DNHD1: variants seen among roughly 807,000 people sequenced by gnomAD.
The protein encoded by DNHD1 is dynein heavy chain domain 1, also known as dynein heavy chain domain-containing protein 1.
In DNHD1, 383 loss-of-function variants were observed where a neutral mutation model predicts 458.1. The observed-to-expected ratio is 0.84, with a 90% CI of 0.77 to 0.91. The LOEUF is 0.91. Among genes scored for constraint, DNHD1 ranks in the 40% least tolerant of loss-of-function variants. DNHD1 has a pLI of 0.00. For synonymous variants in DNHD1, 2,203 were observed against 2,376.9 expected, an observed-to-expected ratio of 0.93 and a Z score of 2.13; for missense variants, 5,336 against 5,866.1, an observed-to-expected ratio of 0.91 and a Z score of 2.95.
At position 6,557,219 on chromosome 11, in the gene DNHD1, A is replaced by G; in HGVS notation, c.7924A>G (p.Asn2642Asp). 6.4e-7 allele frequency: 1 copy of G among 1,551,610 alleles called. No individual in the cohort carries two copies. Among genetic ancestry groups the G allele is most frequent in the Admixed American group, 2.0e-5 (1 of 51,010 alleles). Residue 2642 changes from asparagine to aspartate, a missense_variant, in exon 25 of 43, where the codon AAT (asparagine) becomes GAT (aspartate). Physicochemically the swap from Asn to Asp is conservative, Grantham distance 23. Transcript: ENST00000254579. Reference protein sequence around the residue: ...TCLTVMMATRNVVRLWLHEAQ... With the variant: ...TCLTVMMATRDVVRLWLHEAQ... ...TCTGACCGTTATGATGGCCACACGCAATGTGGTGCGTCTTTGGTTGCATGA... is the reference window on the plus strand; with the variant it reads ...TCTGACCGTTATGATGGCCACACGCGATGTGGTGCGTCTTTGGTTGCATGA...
rs1853526372 is a variant in DNHD1 at position 6,558,943 on chromosome 11, G to A, written c.9253G>A (p.Val3085Met). The A allele has an allele frequency of 3.2e-6, 5 of 1,551,652 alleles. No homozygotes were observed. Among genetic ancestry groups the A allele is most frequent in the Non-Finnish European group, 4.4e-6 (5 of 1,146,988 alleles). Residue 3085 changes from valine (V) to methionine (M), a missense_variant, in exon 27 of 43, where the codon GTG becomes ATG. By Grantham distance (21) the Val-to-Met change is conservative. Coordinates refer to ENST00000254579, the MANE Select transcript of DNHD1 (RefSeq NM_144666.3). ...YPDLQASIPS[V>M]AKAMALIHLS... ...AGACCTCCAGGCCTCAATTCCCAGT[G>A]TGGCCAAAGCCATGGCTCTTATCCA... is the stretch of plus-strand genomic sequence containing the variant.
chr11:6,539,241 A>G lies in DNHD1; in HGVS notation c.3348A>G (p.Gln1116=), dbSNP rs1435871300. 3.6e-5 allele frequency: 56 copies of G among 1,551,454 alleles called. No individual in the cohort carries two copies. The highest frequency in any genetic ancestry group is 4.8e-5 in the Non-Finnish European group (55 of 1,146,936). Residue 1116 remains glutamine, a synonymous_variant, in exon 17 of 43, where the codon CAA becomes CAG. Coordinates refer to ENST00000254579, the MANE Select transcript of DNHD1 (RefSeq NM_144666.3). The part of the protein sequence containing the change: ...LLRALGLGSL[Q]TIELLTLGQL... ...CAGCCCTTGGGCTGGGCAGTCTCCA[A>G]ACTATAGAACTCCTAACGCTGGGCC...
rs1241365373 is a variant in DNHD1 at position 6,497,669 on chromosome 11, T to G, written c.-446+2T>G. ...CGGTGTGTCAGTTTGCCTCTTCAGG[T>G]GATTGCACGTCTGTGTGCGAGTCTC... On this transcript the variant is annotated splice_donor_variant, in intron 2 of 42. Transcript: ENST00000254579. LOFTEE classifies it low-confidence loss of function (5UTR_SPLICE). The G allele has an allele frequency of 1.3e-5, 2 of 153,978 alleles. No homozygotes were observed. The highest frequency in any genetic ancestry group is 4.8e-5 in the African/African-American group (2 of 41,436). The allele number at this position is 153,978 out of a possible 1,614,324, so 9.5% of individuals were successfully genotyped here.
intron 19 of DNHD1, 130 bp downstream of exon 19, chr11:6,544,376 G>GT: frequency 1.7e-6 from 2 of 1,178,776 alleles, no homozygotes; most frequent in Non-Finnish European, 2.4e-6. Context: ...CTTCAGGGCT[G>GT]TTTCTTGGGA....
intron 39 of DNHD1, among the ~76,000 whole-genome samples, chr11:6,569,799 G>A (rs1056186023): frequency 1.3e-5 from 2 of 152,162 alleles, no homozygotes; most frequent in African/African-American, 4.8e-5. Context: ...TTAGATAATT[G>A]GGTGGCTGGC....
In DNHD1 at chr11:6,565,962, G is replaced by C; in HGVS notation, c.11024G>C (p.Gly3675Ala). The C allele has an allele frequency of 1.3e-6, 2 of 1,551,634 alleles. No individual in the cohort carries two copies. The highest frequency in any genetic ancestry group is 1.7e-6 in the Non-Finnish European group (2 of 1,146,978). ...CTTTCAGGTGCTGACCCAGAGCTGGGTTCTCAGCTCCAGGAGGCAGCTGCT... is the reference window on the plus strand; with the variant it reads ...CTTTCAGGTGCTGACCCAGAGCTGGCTTCTCAGCTCCAGGAGGCAGCTGCT... ...SVLSGADPEL[G>A]SQLQEAAACG... is the part of the protein sequence containing the mutation. Residue 3675 changes from glycine to alanine, a missense_variant, in exon 33 of 43, where the codon GGT (glycine) becomes GCT (alanine). Gly to Ala is a moderately conservative substitution (Grantham distance 60). This residue lies in a region of DNHD1 where 695 missense variants were observed against 804.2 expected (regional missense o/e 0.86). Transcript: ENST00000254579.
chr11:6,559,133 C>A (rs566891846), intron 27 of DNHD1, 27 bp downstream of exon 27: 3 of 1,551,626 alleles, frequency 1.9e-6, no homozygotes, highest in Admixed American at 2.0e-5. Context: ...CTGCAGTGTA[C>A]CTCCTTCTGC....
Position 6,533,045 on chromosome 11 carries a change from T to A in DNHD1, c.2366T>A (p.Ile789Lys), listed in dbSNP as rs1395436155. The A allele has an allele frequency of 6.4e-7, 1 of 1,551,666 alleles. No homozygotes were observed. The highest frequency in any genetic ancestry group is 8.7e-7 in the Non-Finnish European group (1 of 1,147,002). The change falls in exon 13 of 43, where the codon ATA becomes AAA. Residue 789 changes from isoleucine to lysine, a missense_variant. By Grantham distance (102) the Ile-to-Lys change is moderately radical. Around this residue, in one of 4 missense-constraint regions of DNHD1, gnomAD observed 3,932 missense variants for 4,365.6 expected, o/e 0.90. Transcript: ENST00000254579. Reference sequence around the variant, plus strand: ...TCTCCAGAATCCAAGCTGAACAGCATAAGGAAGGACATTCTTGCACACGTG... The same window carrying A: ...TCTCCAGAATCCAAGCTGAACAGCAAAAGGAAGGACATTCTTGCACACGTG... ...QAEMESKLNS[I>K]RKDILAHVQN...
intron 18 of DNHD1, among the ~76,000 whole-genome samples, chr11:6,541,767 T>A (rs1853101974): frequency 6.6e-6 from 1 of 152,142 alleles, no homozygotes; most frequent in South Asian, 2.1e-4. Flanking sequence ...ATGTGGAGAA[T>A]GGATTGAAGG....
At position 6,544,068 on chromosome 11, in the gene DNHD1, C is replaced by A. The variant is rs182967509; in HGVS notation, c.3629-53C>A. ...TTCCCCTGGTCTCCTCTTCTCTCCC[C>A]CAGCCCCGGCCCTTGCCTCATCTGA... On this transcript the variant is annotated intron_variant, in intron 18 of 42. Coordinates refer to ENST00000254579, the MANE Select transcript of DNHD1 (RefSeq NM_144666.3). 219 of 1,547,662 alleles carry A rather than the reference C, an allele frequency of 1.4e-4. 1 individual carries two copies. In the African/African-American group the frequency reaches 2.6e-3, roughly 18 times the overall value.
chr11:6,518,612 G>C (rs566863445), intron 7 of DNHD1, among the ~76,000 whole-genome samples: 16 of 152,222 alleles, frequency 1.1e-4, no homozygotes, highest in African/African-American at 3.9e-4. Context: ...AACAGAGATC[G>C]CCTCCTAAAG....
intron 18 of DNHD1, among the ~76,000 whole-genome samples, chr11:6,540,475 C>A (rs1423262778): frequency 6.6e-6 from 1 of 152,216 alleles, no homozygotes; most frequent in African/African-American, 2.4e-5. Context: ...AACCTGCCTC[C>A]TCTGTGCTAA....
At position 6,556,892 on chromosome 11, in the gene DNHD1, G is replaced by T; in HGVS notation, c.7597G>T (p.Ala2533Ser). 1.3e-6 allele frequency: 2 copies of T among 1,551,676 alleles called. No individual in the cohort carries two copies. The highest frequency in any genetic ancestry group is 1.7e-6 in the Non-Finnish European group (2 of 1,146,992). ...CCTGGCCCTGGAAAGCATGACCCAG[G>T]CCACCCTGCTGGAAAGACATGTGCC... ...TVLALESMTQ[A>S]TLLERHVPII... Residue 2533 changes from alanine to serine, a missense_variant, in exon 25 of 43, where the codon GCC (alanine) becomes TCC (serine). Coordinates refer to ENST00000254579, the MANE Select transcript of DNHD1 (RefSeq NM_144666.3).
chr11:6,550,360 A>G (rs1483304901), intron 24 of DNHD1, among the ~76,000 whole-genome samples: 2 of 152,254 alleles, frequency 1.3e-5, no homozygotes, highest in African/African-American at 4.8e-5. Context: ...TAGAGACAAT[A>G]GAAGGAGTAA....
Position 6,519,776 on chromosome 11 carries a change from G to C in DNHD1, c.1569G>C (p.Leu523=), listed in dbSNP as rs143114621. The change falls in exon 8 of 43, where the codon CTG becomes CTC. Residue 523 remains leucine (L), a synonymous_variant. Transcript: ENST00000254579. Reference sequence around the variant, plus strand: ...TGCAGCTGGGAAAGTTTGCCCGCCTGGTTGACTACATGATTTGTCAGAGCC... The same window carrying C: ...TGCAGCTGGGAAAGTTTGCCCGCCTCGTTGACTACATGATTTGTCAGAGCC... The part of the protein sequence containing the change: ...WWLQLGKFAR[L]VDYMICQSLI... 842 of 1,613,844 alleles carry C rather than the reference G, an allele frequency of 5.2e-4. 5 individuals carry two copies. The African/African-American group carries it at 9.9e-3, about 19-fold the overall frequency.
rs1408244103 is a variant in DNHD1 at position 6,568,579 on chromosome 11, G to A, written c.12661+3G>A. The A allele has an allele frequency of 6.2e-7, 1 of 1,614,006 alleles. No individual in the cohort carries two copies. Among genetic ancestry groups the A allele is most frequent in the Admixed American group, 1.7e-5 (1 of 60,026 alleles). On this transcript the variant is annotated splice_donor_region_variant and intron_variant, in intron 38 of 42. Transcript: ENST00000254579. ...AGAGTCTAGTGCTTCTTTGCCAGGT[G>A]AGGAGCTTAACCCCCTACAGGCTCT... is the stretch of plus-strand genomic sequence containing the variant.
In DNHD1 at chr11:6,571,563, C is replaced by T; in HGVS notation, c.13912-73C>T. ...ATCTCGCTTCACCACGACCTCCTACCCGCTAACCCCCACTTCCCACCTGCC... is the reference window on the plus strand; with the variant it reads ...ATCTCGCTTCACCACGACCTCCTACTCGCTAACCCCCACTTCCCACCTGCC... On this transcript the variant is annotated intron_variant, in intron 42 of 42. Coordinates refer to ENST00000254579, the MANE Select transcript of DNHD1 (RefSeq NM_144666.3). The surrounding 1 kb of genome is among the most constrained non-coding windows in gnomAD (Gnocchi z 5.0). 2.7e-6 allele frequency: 4 copies of T among 1,465,002 alleles called. No homozygotes were observed. Among genetic ancestry groups the T allele is most frequent in the Non-Finnish European group, 2.7e-6 (3 of 1,097,214 alleles). 90.8% of individuals were successfully genotyped at this position (1,465,002 alleles called of 1,614,324 possible).
Position 6,498,912 on chromosome 11 carries a change from A to G in DNHD1, c.697A>G (p.Ser233Gly). The G allele has an allele frequency of 6.2e-7, 1 of 1,613,500 alleles. No homozygotes were observed. The highest frequency in any genetic ancestry group is 8.5e-7 in the Non-Finnish European group (1 of 1,179,634). Residue 233 changes from serine to glycine, a missense_variant, in exon 3 of 43, where the codon AGT becomes GGT. Ser to Gly is a moderately conservative substitution (Grantham distance 56, BLOSUM62 0). Coordinates refer to ENST00000254579, the MANE Select transcript of DNHD1 (RefSeq NM_144666.3). Reference sequence around the variant, plus strand: ...GGACATCCCTGTACGGTATGAAAGCAGTGACACTGACAATGCAGAGGTGGA... The same window carrying G: ...GGACATCCCTGTACGGTATGAAAGCGGTGACACTGACAATGCAGAGGTGGA... The part of the protein sequence containing the change: ...AADIPVRYES[S>G]DTDNAEVEPV...
Position 6,502,932 on chromosome 11 carries a change from A to ACC in DNHD1, c.920+6_920+7insCC. ...GCTCCCAGCCGGTACTTTAGGTGATAGCCTATGTCCAGGCCCCTTCTCCTC... is the reference window on the plus strand; with the variant it reads ...GCTCCCAGCCGGTACTTTAGGTGATACCGCCTATGTCCAGGCCCCTTCTCCTC... On this transcript the variant is annotated splice_region_variant and intron_variant, in intron 4 of 42. Transcript: ENST00000254579. The ACC allele has an allele frequency of 6.2e-7, 1 of 1,613,192 alleles. No homozygotes were observed. Among genetic ancestry groups the ACC allele is most frequent in the Non-Finnish European group, 8.5e-7 (1 of 1,179,670 alleles).
Sources: gnomAD v4.1 joint callset for allele counts (sites outside exome capture counted in the v4.1 genomes callset) on GRCh38, gnomAD v4.1.1 for gene constraint, gnomAD v4.1.1 regional missense constraint, Gnocchi (gnomAD v3.1) non-coding constraint, MANE v1.5 for transcripts, NCBI Gene and HGNC (gene_info 2026-07-23, HGNC 2026-07-21) for gene names.